The following GNG2 variants were observed in gnomAD, a reference collection of about 807,000 sequenced individuals.
GNG2 encodes the protein G protein subunit gamma 2.
GNG2 carries 5 observed loss-of-function variants against 5.5 expected under a neutral mutation model. That is an observed-to-expected ratio of 0.91 (90% confidence interval 0.48 to 1.92). The LOEUF (loss-of-function observed/expected upper bound fraction) is 1.92. Ranked by LOEUF, GNG2 falls within the 30% of genes most tolerant of loss-of-function variation. The probability of loss-of-function intolerance (pLI) is 0.01; values close to 1 mark genes in which losing one functional copy is unlikely to be tolerated. For missense variants in GNG2, 55 were observed against 88.4 expected, an observed-to-expected ratio of 0.62 and a Z score of 1.52; for synonymous variants, 28 against 32.0, an observed-to-expected ratio of 0.88 and a Z score of 0.42.
chr14:51,907,126 C>G (rs1885983089), intron 2 of GNG2, among the ~76,000 whole-genome samples: 1 of 152,126 alleles, frequency 6.6e-6, no homozygotes, highest in African/African-American at 2.4e-5. Flanking sequence ...CATGACGGCT[C>G]CTGGATTTTA....
intron 2 of GNG2, among the ~76,000 whole-genome samples, chr14:51,928,413 CA>C (rs1027202506): frequency 6.6e-6 from 1 of 152,120 alleles, no homozygotes; most frequent in African/African-American, 2.4e-5. Context: ...ATCATCCCAG[CA>C]AATAGTTTTC....
At chr14:51,831,449 A>G (rs1881185162) in intron 2 of GNG2, among the ~76,000 whole-genome samples, 1 of 152,230 alleles carries the variant, frequency 6.6e-6, no homozygotes, top group Non-Finnish European at 1.5e-5. Context: ...ACATGAAAGG[A>G]TGATATAAAT....
At chr14:51,893,818 A>C (rs1005547067) in intron 2 of GNG2, among the ~76,000 whole-genome samples, 1 of 152,130 alleles carries the variant, frequency 6.6e-6, no homozygotes, top group Non-Finnish European at 1.5e-5. Flanking sequence ...CAACTCCATG[A>C]CATCATTTAC....
At chr14:51,872,397 C>A (rs1883367120) in intron 1 of GNG2, among the ~76,000 whole-genome samples, 1 of 151,994 alleles carries the variant, frequency 6.6e-6, no homozygotes, top group African/African-American at 2.4e-5. Flanking sequence ...ATTCCACTTA[C>A]ATTTCTTTTA....
chr14:51,914,065 C>T (rs1443348285), intron 2 of GNG2: 2 of 588,578 alleles, frequency 3.4e-6, no homozygotes, highest in African/African-American at 1.9e-5. Context: ...ATATAAAGTT[C>T]AAGGTGTTTT....
At chr14:51,931,705 T>G (rs932533500) in intron 2 of GNG2, among the ~76,000 whole-genome samples, 1 of 151,994 alleles carries the variant, frequency 6.6e-6, no homozygotes, top group African/African-American at 2.4e-5. Context: ...CAAGTATTGG[T>G]GAGGATGTAG....
At chr14:51,916,311 G>C (rs949046723) in intron 2 of GNG2, 1 of 337,148 alleles carries the variant, frequency 3.0e-6, no homozygotes, top group African/African-American at 2.2e-5. Flanking sequence ...GTGGGTGCTG[G>C]AACACATCCA....
intron 2 of GNG2, among the ~76,000 whole-genome samples, chr14:51,926,669 C>G (rs1232476546): frequency 6.6e-6 from 1 of 152,164 alleles, no homozygotes; most frequent in South Asian, 2.1e-4. Flanking sequence ...AGGGGAGGAG[C>G]CTGGCCTCTT....
intron 2 of GNG2, among the ~76,000 whole-genome samples, chr14:51,937,657 G>T (rs1250791733): frequency 3.4e-5 from 4 of 116,196 alleles, no homozygotes; most frequent in Admixed American, 1.0e-4. Flanking sequence ...CTAAGTTTTA[G>T]GGTACATGTG....
At chr14:51,858,383 A>T (rs1361066708), upstream of GNG2, among the ~76,000 whole-genome samples, 1 of 152,180 alleles carries the variant, frequency 6.6e-6, no homozygotes, top group Non-Finnish European at 1.5e-5. Flanking sequence ...ACCTACTGTG[A>T]GTTTTATAAG....
At chr14:51,841,479 G>A (rs1246125512) in intron 2 of GNG2, 1 of 700,664 alleles carries the variant, frequency 1.4e-6, no homozygotes, top group Admixed American at 2.0e-5. Context: ...CTCTAAGGTA[G>A]ATACTATTTT....
intron 2 of GNG2, among the ~76,000 whole-genome samples, chr14:51,949,939 C>T (rs1888876851): frequency 6.6e-6 from 1 of 152,062 alleles, no homozygotes; most frequent in Admixed American, 6.5e-5. Flanking sequence ...CGCAATCTGC[C>T]TAGGAACAGA....
chr14:51,867,845 G>A (rs1883012692), intron 1 of GNG2, among the ~76,000 whole-genome samples: 1 of 151,858 alleles, frequency 6.6e-6, no homozygotes. Context: ...GAAATCTTTT[G>A]TTCTTTCATC....
chr14:51,916,816 T>C (rs147112076), intron 2 of GNG2, among the ~76,000 whole-genome samples: 9 of 152,258 alleles, frequency 5.9e-5, no homozygotes, highest in Middle Eastern at 3.4e-3. Flanking sequence ...CTAATAGCAT[T>C]TATTAAAATT....
chr14:51,866,870 C>G (rs1389772403), intron 1 of GNG2, among the ~76,000 whole-genome samples: 1 of 152,204 alleles, frequency 6.6e-6, no homozygotes. Flanking sequence ...ATCATTCATT[C>G]TCCTCTTCCT....
chr14:51,940,028 A>T (rs966695005), intron 2 of GNG2: 1 of 152,310 alleles, frequency 6.6e-6, no homozygotes, highest in Non-Finnish European at 1.5e-5. Context: ...AATGCGTTAA[A>T]GCCCTTGGCC....
intron 1 of GNG2, among the ~76,000 whole-genome samples, chr14:51,867,370 C>A (rs946396852): frequency 6.6e-6 from 1 of 152,168 alleles, no homozygotes; most frequent in Non-Finnish European, 1.5e-5. Context: ...ATGAAACTCA[C>A]ATGTCCAAAA....
chr14:51,939,197 C>T (rs1888177344), intron 2 of GNG2, among the ~76,000 whole-genome samples: 1 of 152,154 alleles, frequency 6.6e-6, no homozygotes, highest in African/African-American at 2.4e-5. Context: ...AGAATGCCAG[C>T]TCCCATTTAT....
chr14:51,906,020 C>G (rs1186081489), intron 2 of GNG2, among the ~76,000 whole-genome samples: 1 of 152,216 alleles, frequency 6.6e-6, no homozygotes. Context: ...CAGACTAATA[C>G]ACAGGGTACC....
Sources: allele counts gnomAD v4.1 joint callset (sites outside exome capture counted in the v4.1 genomes callset), GRCh38; gene constraint gnomAD v4.1.1; transcripts MANE v1.5; gene names NCBI Gene and HGNC (gene_info 2026-07-23, HGNC 2026-07-21).